Variants in NTRK3 observed in about 807,000 individuals in gnomAD.
The protein encoded by NTRK3 is neurotrophic receptor tyrosine kinase 3, also known as NT-3 growth factor receptor.
Under a neutral mutation model 91.7 loss-of-function variants are expected in NTRK3, and 24 were observed. That is an observed-to-expected ratio of 0.26 (90% CI 0.19 to 0.37). NTRK3 has a LOEUF of 0.37. Among genes scored for constraint, NTRK3 ranks in the 10% least tolerant of loss-of-function variants. The pLI is 1.00. For missense variants in NTRK3, 880 were observed against 1,068.9 expected (o/e 0.82, Z 2.46); for synonymous variants, 483 against 404.0 (o/e 1.20, Z -2.34).
At chr15:88,189,607 G>A (rs993689718) in intron 3 of NTRK3, among the ~76,000 whole-genome samples, 1 of 151,998 alleles carries the variant, frequency 6.6e-6, no homozygotes, top group African/African-American at 2.4e-5. Flanking sequence ...ACCACACCCA[G>A]CTAATTTTGT....
intron 3 of NTRK3, among the ~76,000 whole-genome samples, chr15:88,252,196 G>A (rs1016452452): frequency 3.9e-5 from 6 of 152,116 alleles, no homozygotes; most frequent in Non-Finnish European, 5.9e-5. Flanking sequence ...CTGGGGTTCT[G>A]AGCACCAAAC....
intron 13 of NTRK3, among the ~76,000 whole-genome samples, chr15:88,055,616 AG>A (rs1015337631): frequency 6.6e-6 from 1 of 152,074 alleles, no homozygotes; most frequent in Non-Finnish European, 1.5e-5. Context: ...GACATAGATA[AG>A]GTAGGTGACA....
chr15:87,892,278 T>G (rs2065895159), intron 17 of NTRK3, among the ~76,000 whole-genome samples: 1 of 152,208 alleles, frequency 6.6e-6, no homozygotes, highest in Non-Finnish European at 1.5e-5. Context: ...GCAAGTTGGA[T>G]AGTTTTCAAT....
chr15:88,065,609 T>C (rs1325446904), intron 13 of NTRK3, among the ~76,000 whole-genome samples: 1 of 152,168 alleles, frequency 6.6e-6, no homozygotes, highest in Non-Finnish European at 1.5e-5. Flanking sequence ...ACTGTCCCCA[T>C]GATTTTTGTT....
chr15:88,158,688 A>G (rs28483556), intron 5 of NTRK3, among the ~76,000 whole-genome samples: 2,003 of 152,242 alleles, frequency 0.013, 50 homozygotes, highest in African/African-American at 0.045. Context: ...CCTAAGGCTA[A>G]TTACCCTGAA....
intron 14 of NTRK3, among the ~76,000 whole-genome samples, chr15:87,999,892 A>G (rs1020625951): frequency 6.6e-6 from 1 of 152,160 alleles, no homozygotes; most frequent in Non-Finnish European, 1.5e-5. Flanking sequence ...CTCTATAAGG[A>G]CCTACTCCAA....
At chr15:87,928,861 G>C in intron 17 of NTRK3, 1 of 513,934 alleles carries the variant, frequency 1.9e-6, no homozygotes, top group Admixed American at 3.4e-5. Context: ...GTCTGTGTGT[G>C]TGTTTGGGCA....
chr15:88,212,493 T>C (rs1026530824), intron 3 of NTRK3, among the ~76,000 whole-genome samples: 1 of 152,202 alleles, frequency 6.6e-6, no homozygotes, highest in Non-Finnish European at 1.5e-5. Context: ...GCCCTTAGCT[T>C]ACATATGAGG....
In NTRK3 at chr15:87,988,540, C is replaced by T. The variant is rs182034231; in HGVS notation, c.1585+44317G>A. Among the ~76,000 whole-genome samples, 31 of 152,218 alleles carry T rather than the reference C, an allele frequency of 2.0e-4. 1 individual carries two copies. The East Asian group carries it at 5.8e-3, about 28-fold the overall frequency. On this transcript the variant is annotated intron_variant, in intron 14 of 18. Transcript: ENST00000394480. ...AGAGATATAAGGGAATGCTCGGTAC[C>T]ACTGTTATAACTTCTATATGTCTAA...
At chr15:88,148,965 C>T (rs2043131981) in intron 5 of NTRK3, among the ~76,000 whole-genome samples, 2 of 152,140 alleles carry the variant, frequency 1.3e-5, no homozygotes, top group African/African-American at 4.8e-5. Flanking sequence ...AACGAGAAAG[C>T]CTGCCAAAGG....
rs2046730481 is a variant in NTRK3 at position 88,067,248 on chromosome 15, A to C, written c.1397-34203T>G. ...ACACGCCATTTTTTTTCACTTCCTC[A>C]ATATTATTCTACTATCTGTGAAGTC... On this transcript the variant is annotated intron_variant, in intron 13 of 18. Coordinates refer to ENST00000394480, the Ensembl canonical transcript of NTRK3. 2.0e-5 allele frequency among the ~76,000 whole-genome samples: 3 copies of C among 152,106 alleles called. 1 individual carries two copies. Among genetic ancestry groups the C allele is most frequent in the Admixed American group, 1.3e-4 (2 of 15,280 alleles).
chr15:88,193,537 T>G (rs969932543), intron 3 of NTRK3, among the ~76,000 whole-genome samples: 1 of 152,180 alleles, frequency 6.6e-6, no homozygotes, highest in Admixed American at 6.5e-5. Flanking sequence ...TACATGACTA[T>G]GGCCTTCACC....
intron 13 of NTRK3, among the ~76,000 whole-genome samples, chr15:88,034,241 T>C (rs1368583810): frequency 6.6e-6 from 1 of 152,224 alleles, no homozygotes. Flanking sequence ...TACCAGCAGC[T>C]GGGCCAGCTG....
intron 14 of NTRK3, among the ~76,000 whole-genome samples, chr15:87,992,151 C>T (rs368066194): frequency 2.8e-4 from 43 of 152,248 alleles, no homozygotes; most frequent in African/African-American, 9.9e-4. Flanking sequence ...CAGAAGCCAC[C>T]AGTGACTTGA....
At chr15:87,929,076 G>T in intron 17 of NTRK3, 115 bp downstream of exon 17, 1 of 1,492,244 alleles carries the variant, frequency 6.7e-7, no homozygotes. Context: ...GCATGTCTGG[G>T]CATGGGTGTG....
intron 5 of NTRK3, among the ~76,000 whole-genome samples, chr15:88,168,881 T>G (rs2045248154): frequency 6.6e-6 from 1 of 152,246 alleles, no homozygotes; most frequent in African/African-American, 2.4e-5. Context: ...TCTATTGTCA[T>G]GTAGTTCAGG....
intron 14 of NTRK3, among the ~76,000 whole-genome samples, chr15:87,962,996 T>C (rs892621166): frequency 1.3e-5 from 2 of 152,208 alleles, no homozygotes; most frequent in African/African-American, 4.8e-5. Context: ...TGGCAACATC[T>C]TGATGTTACC....
intron 14 of NTRK3, among the ~76,000 whole-genome samples, chr15:87,994,480 A>G (rs2075533983): frequency 6.6e-6 from 1 of 152,224 alleles, no homozygotes; most frequent in African/African-American, 2.4e-5. Context: ...ACAAATGTCC[A>G]AAATTGCCAG....
At chr15:88,080,855 G>C (rs910071669) in intron 13 of NTRK3, among the ~76,000 whole-genome samples, 1 of 152,250 alleles carries the variant, frequency 6.6e-6, no homozygotes, top group Admixed American at 6.5e-5. Flanking sequence ...TCTCCATTGG[G>C]AAGGAAGGAA....
Sources: gnomAD v4.1 joint callset for allele counts (sites outside exome capture counted in the v4.1 genomes callset) on GRCh38, gnomAD v4.1.1 for gene constraint, MANE v1.5 for transcripts, NCBI Gene and HGNC (gene_info 2026-07-23, HGNC 2026-07-21) for gene names.